CBL: variants seen among roughly 807,000 people sequenced by gnomAD.
CBL encodes Cbl proto-oncogene.
CBL carries 45 observed loss-of-function variants against 96.9 expected under a neutral mutation model. The observed-to-expected ratio is 0.46, with a 90% CI of 0.37 to 0.60. The LOEUF is 0.60. Among genes scored for constraint, CBL ranks in the 20% least tolerant of loss-of-function variants. The pLI is 0.00. For synonymous variants in CBL, 420 were observed against 426.8 expected (o/e 0.98, Z 0.20); for missense variants, 1,024 against 1,143.5 (o/e 0.90, Z 1.51).
At chr11:119,256,233 C>A (rs1264005031) in intron 2 of CBL, among the ~76,000 whole-genome samples, 1 of 151,414 alleles carries the variant, frequency 6.6e-6, no homozygotes, top group African/African-American at 2.4e-5. Flanking sequence ...GCTCTGTCGC[C>A]CAGGTTGGAG....
chr11:119,282,984 A>G (rs888245389), intron 9 of CBL, among the ~76,000 whole-genome samples: 1 of 151,428 alleles, frequency 6.6e-6, no homozygotes, highest in Non-Finnish European at 1.5e-5. Context: ...TGTCCCAGCT[A>G]CTTGAGAGGC....
At chr11:119,230,353 C>T (rs1351341349) in intron 1 of CBL, among the ~76,000 whole-genome samples, 5 of 151,994 alleles carry the variant, frequency 3.3e-5, no homozygotes, top group African/African-American at 4.8e-5. Context: ...GGGGTTTCAC[C>T]GTGGTCTGGA....
At chr11:119,256,151 A>ATATGTTAAG (rs1380573341) in intron 2 of CBL, among the ~76,000 whole-genome samples, 1 of 151,018 alleles carries the variant, frequency 6.6e-6, no homozygotes, top group Non-Finnish European at 1.5e-5. Context: ...AGTAACGTCT[A>ATATGTTAAG]TATGTTAAGC....
In CBL at chr11:119,276,134, T is replaced by A; in HGVS notation, c.1007T>A (p.Phe336Tyr). 6.2e-7 allele frequency: 1 copy of A among 1,614,048 alleles called. No individual in the cohort carries two copies. The highest frequency in any genetic ancestry group is 8.5e-7 in the Non-Finnish European group (1 of 1,179,918). ...QALIDGFREG[F>Y]YLFPDGRNQN... ...CTGATTGATGGCTTCAGGGAAGGCT[T>A]GTGAGTACCTACTGCATACCATCTG... Residue 336 changes from phenylalanine (F) to tyrosine (Y), a missense_variant and splice_region_variant, in exon 6 of 16, where the codon TTC becomes TAC. By Grantham distance (22) the Phe-to-Tyr change is conservative. Coordinates refer to ENST00000264033, the MANE Select transcript of CBL (RefSeq NM_005188.4).
In CBL at chr11:119,278,557, T is replaced by C. The variant is rs1565872377; in HGVS notation, c.1275T>C (p.Gly425=). ...CTTTCTGCCGATGTGAAATTAAAGG[T>C]ACTGAACCCATCGTGGTAGATCCGT... The part of the protein sequence containing the change: ...GCPFCRCEIK[G]TEPIVVDPFD... Residue 425 remains glycine (G), a synonymous_variant, in exon 9 of 16, where the codon GGT becomes GGC. Transcript: ENST00000264033. 6.2e-7 allele frequency: 1 copy of C among 1,614,196 alleles called. No individual in the cohort carries two copies. The highest frequency in any genetic ancestry group is 8.5e-7 in the Non-Finnish European group (1 of 1,180,036).
intron 1 of CBL, among the ~76,000 whole-genome samples, chr11:119,213,493 A>G (rs947316052): frequency 6.6e-6 from 1 of 152,126 alleles, no homozygotes; most frequent in Non-Finnish European, 1.5e-5. Flanking sequence ...TTCTGTATTT[A>G]TCTTAACCTC....
intron 1 of CBL, among the ~76,000 whole-genome samples, chr11:119,229,329 T>C (rs1394541301): frequency 6.6e-6 from 1 of 152,210 alleles, no homozygotes; most frequent in East Asian, 1.9e-4. Context: ...GAGTCTTTTT[T>C]CCCTGGCCAT....
At chr11:119,241,625 C>G (rs187393383) in intron 2 of CBL, among the ~76,000 whole-genome samples, 1 of 152,148 alleles carries the variant, frequency 6.6e-6, no homozygotes, top group Non-Finnish European at 1.5e-5. Context: ...TAATCTTTTC[C>G]TAGCACCATG....
At chr11:119,297,323 T>C (rs1950070949) in intron 13 of CBL, 61 bp from the exon 14 acceptor site, 2 of 1,297,158 alleles carry the variant, frequency 1.5e-6, no homozygotes, top group African/African-American at 1.5e-5. Context: ...TGAATCTTCA[T>C]AAGTTTATAG....
At chr11:119,221,755 A>C (rs1277064625) in intron 1 of CBL, among the ~76,000 whole-genome samples, 1 of 150,416 alleles carries the variant, frequency 6.6e-6, no homozygotes, top group Admixed American at 6.6e-5. Flanking sequence ...CAACAGAGAG[A>C]GACTCCGTCT....
chr11:119,252,385 A>C (rs1204154534), intron 2 of CBL, among the ~76,000 whole-genome samples: 1 of 152,198 alleles, frequency 6.6e-6, no homozygotes, highest in African/African-American at 2.4e-5. Context: ...GAACCAGATA[A>C]TAGTGATTCC....
intron 12 of CBL, among the ~76,000 whole-genome samples, chr11:119,294,979 C>T (rs1950054315): frequency 6.6e-6 from 1 of 152,154 alleles, no homozygotes; most frequent in South Asian, 2.1e-4. Flanking sequence ...CATGTTATTA[C>T]ATATTCTGTT....
At chr11:119,220,217 T>G (rs1592371494) in intron 1 of CBL, among the ~76,000 whole-genome samples, 1 of 152,006 alleles carries the variant, frequency 6.6e-6, no homozygotes, top group Non-Finnish European at 1.5e-5. Context: ...GGCAGGCTGG[T>G]CTTGAACTCC....
At chr11:119,271,630 G>A (rs1949849427) in intron 2 of CBL, 105 bp from the exon 3 acceptor site, 1 of 953,958 alleles carries the variant, frequency 1.0e-6, no homozygotes, top group African/African-American at 1.6e-5. Context: ...CTTTCTAAAT[G>A]TATTTTAATA....
At chr11:119,231,378 G>T (rs1949500514) in intron 1 of CBL, among the ~76,000 whole-genome samples, 1 of 152,060 alleles carries the variant, frequency 6.6e-6, no homozygotes, top group Admixed American at 6.6e-5. Flanking sequence ...TTGCACTCTA[G>T]CCTGGGCAAA....
At chr11:119,269,286 G>A (rs534203080) in intron 2 of CBL, among the ~76,000 whole-genome samples, 3 of 134,714 alleles carry the variant, frequency 2.2e-5, no homozygotes, top group Non-Finnish European at 4.6e-5. Flanking sequence ...TCACTCTGTC[G>A]TCCAGGCTGG....
At chr11:119,283,036 A>G (rs1446468359) in intron 9 of CBL, among the ~76,000 whole-genome samples, 6 of 152,146 alleles carry the variant, frequency 3.9e-5, no homozygotes, top group South Asian at 2.1e-4. Context: ...TCAAGGCTGC[A>G]GTGCACCATG....
At chr11:119,212,457 C>T (rs1161551296) in intron 1 of CBL, among the ~76,000 whole-genome samples, 2 of 150,512 alleles carry the variant, frequency 1.3e-5, no homozygotes, top group African/African-American at 4.9e-5. Context: ...GAAACCCTGT[C>T]TCTACTAAAA....
chr11:119,250,695 A>G (rs1471115894), intron 2 of CBL, among the ~76,000 whole-genome samples: 1 of 152,168 alleles, frequency 6.6e-6, no homozygotes, highest in Non-Finnish European at 1.5e-5. Flanking sequence ...CATGTCTGTA[A>G]TCTCAGCACT....
Sources: gnomAD v4.1 joint callset for allele counts (sites outside exome capture counted in the v4.1 genomes callset) on GRCh38, gnomAD v4.1.1 for gene constraint, MANE v1.5 for transcripts, NCBI Gene and HGNC (gene_info 2026-07-23, HGNC 2026-07-21) for gene names.